The following PCDH15 variants were observed in gnomAD, a reference collection of about 807,000 sequenced individuals.
PCDH15 encodes protocadherin related 15.
In PCDH15, 129 loss-of-function variants were observed where a neutral mutation model predicts 178.5. That is an observed-to-expected ratio of 0.72 (90% CI 0.63 to 0.84). PCDH15 has a LOEUF of 0.84. PCDH15 is among the 40% of genes least tolerant of loss of function. PCDH15 has a pLI of 0.00. For synonymous variants in PCDH15, 800 were observed against 732.0 expected (o/e 1.09, Z -1.50); for missense variants, 2,230 against 2,099.9 (o/e 1.06, Z -1.21).
Position 55,294,678 on chromosome 10 carries a change from A to C in PCDH15, c.-156+24921T>G, listed in dbSNP as rs182555847. 1.4e-4 allele frequency among the ~76,000 whole-genome samples: 21 copies of C among 152,314 alleles called. No individual in the cohort carries two copies. In the East Asian group the frequency reaches 3.9e-3, roughly 28 times the overall value. On this transcript the variant is annotated intron_variant, in intron 1 of 5. Coordinates refer to the PCDH15 transcript ENST00000458638. The stretch of plus-strand genomic sequence containing the variant: ...GATAATGCTTTGCATATAGGAGTCC[A>C]ATGTGTTCATCATTCCCAATAAGCC...
chr10:55,087,865 C>T (rs2132032522), intron 2 of PCDH15, among the ~76,000 whole-genome samples: 1 of 152,118 alleles, frequency 6.6e-6, no homozygotes, highest in African/African-American at 2.4e-5. Flanking sequence ...GGTAGCCTAA[C>T]ATTAAAATCT....
intron 2 of PCDH15, among the ~76,000 whole-genome samples, chr10:54,937,381 C>T (rs1051518171): frequency 6.6e-6 from 1 of 151,898 alleles, no homozygotes; most frequent in Admixed American, 6.6e-5. Flanking sequence ...AGGGATTGCA[C>T]TGAAATCATA....
At chr10:54,577,779 C>T (rs1343705152) in intron 2 of PCDH15, among the ~76,000 whole-genome samples, 1 of 151,898 alleles carries the variant, frequency 6.6e-6, no homozygotes, top group Non-Finnish European at 1.5e-5. Context: ...AGTCCTCCCT[C>T]AGAAGAACAG....
chr10:55,306,910 G>A (rs1322604060), intron 1 of PCDH15, among the ~76,000 whole-genome samples: 1 of 152,020 alleles, frequency 6.6e-6, no homozygotes, highest in African/African-American at 2.4e-5. Flanking sequence ...TCTTGAAGAC[G>A]TGGGAAAAGT....
Position 54,304,024 on chromosome 10 carries a change from C to T in PCDH15, c.876+13247G>A, listed in dbSNP as rs61372192. Among the ~76,000 whole-genome samples, 333 of 151,958 alleles carry T rather than the reference C, an allele frequency of 2.2e-3. 1 individual carries two copies. The highest frequency in any genetic ancestry group is 5.6e-3 in the African/African-American group (233 of 41,424). On this transcript the variant is annotated intron_variant, in intron 8 of 37. Coordinates refer to ENST00000644397, the MANE Select transcript of PCDH15 (RefSeq NM_001384140.1). ...GATACATTGTCTGCCCATGTTTTAG[C>T]GATTAGGAATTTAGAGGTTTTTGGA...
At chr10:55,032,529 T>A (rs1840637630) in intron 2 of PCDH15, among the ~76,000 whole-genome samples, 1 of 152,188 alleles carries the variant, frequency 6.6e-6, no homozygotes, top group Admixed American at 6.5e-5. Context: ...AAGGCCTGAT[T>A]TTTGACAAAA....
intron 18 of PCDH15, among the ~76,000 whole-genome samples, chr10:54,035,488 G>A (rs1029796813): frequency 6.6e-6 from 1 of 151,796 alleles, no homozygotes; most frequent in South Asian, 2.1e-4. Context: ...TTGGGGTGCC[G>A]CAGAACACAC....
chr10:54,795,404 T>C (rs1259992926), intron 1 of PCDH15, among the ~76,000 whole-genome samples: 1 of 151,850 alleles, frequency 6.6e-6, no homozygotes, highest in Admixed American at 6.6e-5. Flanking sequence ...TAGGGAGATA[T>C]CTTTTCTAGT....
chr10:54,936,745 G>T (rs1379912753), intron 2 of PCDH15, among the ~76,000 whole-genome samples: 2 of 149,798 alleles, frequency 1.3e-5, no homozygotes, highest in Middle Eastern at 3.4e-3. Context: ...AGTTTTAAGA[G>T]TTTTTTTATA....
rs1039906472 is a variant in PCDH15 at position 53,875,350 on chromosome 10, A to C, written c.3502-8493T>G. Reference sequence around the variant, plus strand: ...TAGTAATGGCATAAATAATTCATAAATATATTCTATAATTTATTAATAGTA... The same window carrying C: ...TAGTAATGGCATAAATAATTCATAACTATATTCTATAATTTATTAATAGTA... On this transcript the variant is annotated intron_variant, in intron 26 of 37. Transcript: ENST00000644397. 2.6e-5 allele frequency among the ~76,000 whole-genome samples: 4 copies of C among 151,934 alleles called. No homozygotes were observed. The East Asian group carries it at 7.7e-4, about 29-fold the overall frequency.
intron 15 of PCDH15, among the ~76,000 whole-genome samples, chr10:54,130,002 T>C (rs1382555455): frequency 6.6e-6 from 1 of 152,000 alleles, no homozygotes; most frequent in East Asian, 1.9e-4. Flanking sequence ...CATGAAAGGG[T>C]AATTTGGAAG....
intron 3 of PCDH15, among the ~76,000 whole-genome samples, chr10:54,864,334 T>C (rs140917625): frequency 6.6e-6 from 1 of 152,138 alleles, no homozygotes; most frequent in Non-Finnish European, 1.5e-5. Context: ...TTGGTTGACC[T>C]CTTTTTTCAT....
chr10:54,355,495 T>C (rs1157078472), intron 5 of PCDH15, among the ~76,000 whole-genome samples: 2 of 152,056 alleles, frequency 1.3e-5, no homozygotes, highest in Non-Finnish European at 2.9e-5. Flanking sequence ...GTGCAATATG[T>C]TATTTGAGAA....
intron 26 of PCDH15, among the ~76,000 whole-genome samples, chr10:53,885,529 T>C (rs946413691): frequency 7.9e-5 from 12 of 152,174 alleles, no homozygotes; most frequent in Non-Finnish European, 1.8e-4. Context: ...CCTGTACATA[T>C]AGAGATAATT....
chr10:55,278,153 G>A (rs1270063026), intron 1 of PCDH15, among the ~76,000 whole-genome samples: 1 of 152,060 alleles, frequency 6.6e-6, no homozygotes, highest in Non-Finnish European at 1.5e-5. Context: ...AACACGTATA[G>A]TAGCAATCTC....
intron 2 of PCDH15, among the ~76,000 whole-genome samples, chr10:55,436,304 A>T (rs1839038619): frequency 6.6e-6 from 1 of 152,146 alleles, no homozygotes; most frequent in Non-Finnish European, 1.5e-5. Context: ...AAGAATAAAC[A>T]TACAGAAACA....
intron 2 of PCDH15, among the ~76,000 whole-genome samples, chr10:55,603,468 GA>G (rs1433018449): frequency 6.6e-6 from 1 of 151,776 alleles, no homozygotes; most frequent in South Asian, 2.1e-4. Context: ...TGAAATGAAG[GA>G]AAAAATGTTA....
chr10:54,546,380 T>C (rs2085856544), intron 2 of PCDH15, among the ~76,000 whole-genome samples: 1 of 152,156 alleles, frequency 6.6e-6, no homozygotes, highest in Admixed American at 6.5e-5. Context: ...TAGTTTTGAG[T>C]GTGAATATAT....
At chr10:54,307,341 T>C (rs1165419309) in intron 8 of PCDH15, among the ~76,000 whole-genome samples, 1 of 150,878 alleles carries the variant, frequency 6.6e-6, no homozygotes, top group Non-Finnish European at 1.5e-5. Context: ...TGAAAAACTT[T>C]CTACATTAGT....
Sources: gnomAD v4.1 joint callset for allele counts (sites outside exome capture counted in the v4.1 genomes callset) on GRCh38, gnomAD v4.1.1 for gene constraint, MANE v1.5 for transcripts, NCBI Gene and HGNC (gene_info 2026-07-23, HGNC 2026-07-21) for gene names.